ZNF92: variants seen among roughly 807,000 people sequenced by gnomAD.
The protein encoded by ZNF92 is epididymis luminal protein 203.
In ZNF92, 11 loss-of-function variants were observed where a neutral mutation model predicts 12.4. That is an observed-to-expected ratio of 0.89 (90% confidence interval 0.56 to 1.47). The LOEUF is 1.47. Among genes scored for constraint, ZNF92 ranks in the 40% most tolerant of loss-of-function variants. The pLI, the probability that ZNF92 is intolerant of heterozygous loss-of-function variation, is 0.00. For missense variants in ZNF92, 622 were observed against 681.0 expected (o/e 0.91, Z 0.96); for synonymous variants, 206 against 228.6 (o/e 0.90, Z 0.89).
At chr7:65,375,634 G>A (rs1793217262) in intron 1 of ZNF92, among the ~76,000 whole-genome samples, 1 of 151,794 alleles carries the variant, frequency 6.6e-6, no homozygotes, top group Admixed American at 6.6e-5. Context: ...AACAAAACCT[G>A]ACCTGGAGAT....
In ZNF92 at chr7:65,398,646, C is replaced by T. The variant is rs140983572; in HGVS notation, c.532C>T (p.Arg178Cys). 1.8e-5 allele frequency: 29 copies of T among 1,611,614 alleles called. No individual in the cohort carries two copies. Among genetic ancestry groups the T allele is most frequent in the Admixed American group, 8.4e-5 (5 of 59,602 alleles). The stretch of plus-strand genomic sequence containing the variant: ...AAAGAAACCTTTCAAATGTAAAAAC[C>T]GTGGCAAATCATTTTGCATGCTTTC... ...TGKKPFKCKN[R>C]GKSFCMLSQL... The change falls in exon 4 of 4, where the codon CGT becomes TGT. Residue 178 changes from arginine (R) to cysteine (C), a missense_variant. By Grantham distance (180) the Arg-to-Cys change is radical. Transcript: ENST00000328747.
intron 1 of ZNF92, among the ~76,000 whole-genome samples, chr7:65,383,017 A>G (rs147953213): frequency 1.6e-4 from 25 of 152,214 alleles, no homozygotes; most frequent in African/African-American, 6.0e-4. Flanking sequence ...CCCACACCCT[A>G]TACAGCTTAG....
intron 1 of ZNF92, among the ~76,000 whole-genome samples, chr7:65,379,030 G>A (rs890090937): frequency 1.3e-5 from 2 of 151,350 alleles, no homozygotes; most frequent in African/African-American, 4.9e-5. Flanking sequence ...GACTTTTCCC[G>A]GGTTGTATCA....
At chr7:65,389,977 G>A (rs1277720794) in intron 3 of ZNF92, among the ~76,000 whole-genome samples, 2 of 151,802 alleles carry the variant, frequency 1.3e-5, no homozygotes. Flanking sequence ...GACTACAGGT[G>A]CGAACCACCA....
intron 1 of ZNF92, among the ~76,000 whole-genome samples, chr7:65,377,810 C>T (rs543836882): frequency 2.0e-5 from 3 of 152,072 alleles, no homozygotes; most frequent in South Asian, 2.1e-4. Flanking sequence ...CATGATCCAC[C>T]CACCTCGGCC....
At chr7:65,397,440 T>A (rs1793871787) in intron 3 of ZNF92, among the ~76,000 whole-genome samples, 1 of 152,066 alleles carries the variant, frequency 6.6e-6, no homozygotes, top group African/African-American at 2.4e-5. Flanking sequence ...TCGTCTGTGT[T>A]TCTGTTTCAC....
rs1027283113 is a variant in ZNF92 at position 65,387,904 on chromosome 7, A to G, written c.6A>G (p.Gly2=). M[G]PLTFRDVKIE... ...GTGTGTGTGTGTGTGTTTTTCAGGG[A>G]CCACTGACATTTAGGGATGTGAAAA... The change falls in exon 2 of 4, where the codon GGA becomes GGG. Residue 2 remains glycine, a splice_region_variant and synonymous_variant. Transcript: ENST00000328747. The G allele has an allele frequency of 1.2e-6, 2 of 1,601,342 alleles. No homozygotes were observed. Among genetic ancestry groups the G allele is most frequent in the Admixed American group, 3.5e-5 (2 of 57,764 alleles).
intron 3 of ZNF92, among the ~76,000 whole-genome samples, chr7:65,389,202 G>T (rs1584284078): frequency 6.6e-6 from 1 of 151,902 alleles, no homozygotes; most frequent in Non-Finnish European, 1.5e-5. Context: ...CAGGTGATCC[G>T]CCCGCCTCAG....
intron 1 of ZNF92, 23 bp from the exon 2 acceptor site, chr7:65,387,877 TTG>T (rs143107154): frequency 0.02 from 25,880 of 1,286,614 alleles, no homozygotes; most frequent in South Asian, 0.044. Flanking sequence ...ATATGTGTGT[TTG>T]TGTGTGTGTG....
intron 1 of ZNF92, among the ~76,000 whole-genome samples, chr7:65,374,950 C>T (rs2116325227): frequency 6.6e-6 from 1 of 152,190 alleles, no homozygotes; most frequent in East Asian, 1.9e-4. Context: ...TGCCAACTTA[C>T]CCTCCCTAAT....
At chr7:65,397,795 G>A (rs1250282667) in intron 3 of ZNF92, among the ~76,000 whole-genome samples, 1 of 151,068 alleles carries the variant, frequency 6.6e-6, no homozygotes, top group Admixed American at 6.6e-5. Flanking sequence ...TGCTACACGT[G>A]TTCGCTGTCT....
intron 2 of ZNF92, 174 bp downstream of exon 2, chr7:65,388,202 C>T (rs1017292390): frequency 1.8e-5 from 10 of 546,066 alleles, no homozygotes; most frequent in Non-Finnish European, 3.0e-5. Context: ...TTCATTTTGA[C>T]CTGAACTCTC....
intron 1 of ZNF92, among the ~76,000 whole-genome samples, chr7:65,377,149 C>T (rs1350331189): frequency 6.6e-6 from 1 of 152,008 alleles, no homozygotes; most frequent in Non-Finnish European, 1.5e-5. Context: ...AATTTCCTTC[C>T]CTCGTATTTA....
At chr7:65,380,575 A>G (rs1356977747) in intron 1 of ZNF92, among the ~76,000 whole-genome samples, 2 of 151,994 alleles carry the variant, frequency 1.3e-5, no homozygotes, top group South Asian at 2.1e-4. Flanking sequence ...CTCAACCACA[A>G]TGTATTTTCT....
intron 3 of ZNF92, among the ~76,000 whole-genome samples, chr7:65,396,374 A>G (rs1437872837): frequency 6.6e-6 from 1 of 152,016 alleles, no homozygotes; most frequent in Admixed American, 6.6e-5. Flanking sequence ...CATAGTTTCT[A>G]TAAATATTAT....
chr7:65,376,537 C>A (rs1584271939), intron 1 of ZNF92, among the ~76,000 whole-genome samples: 1 of 151,960 alleles, frequency 6.6e-6, no homozygotes, highest in Non-Finnish European at 1.5e-5. Flanking sequence ...ACCTCTGCCT[C>A]CCAGGTTCAA....
rs567597169 is a variant in ZNF92, at chr7:65,401,007, GAAAA to G, written c.*1136_*1139del. ...CTAACATTCTTTTGCAGTATAGTGA[GAAAA>G]AAACATTTTAAAATTAATTATCATT... On this transcript the variant is annotated 3_prime_UTR_variant, in exon 4 of 4. Coordinates refer to ENST00000328747, the MANE Select transcript of ZNF92 (RefSeq NM_152626.4). 6.6e-6 allele frequency: 1 copy of G among 151,838 alleles called. No homozygotes were observed. The highest frequency in any genetic ancestry group is 1.9e-4 in the East Asian group (1 of 5,186). 9.4% of individuals were successfully genotyped at this position (151,838 alleles called of 1,614,324 possible).
At chr7:65,390,777 CAG>C (rs1465533779) in intron 3 of ZNF92, among the ~76,000 whole-genome samples, 2 of 151,912 alleles carry the variant, frequency 1.3e-5, no homozygotes, top group African/African-American at 4.8e-5. Flanking sequence ...AACTGTGGCT[CAG>C]AGAGTTGGAA....
In ZNF92 at chr7:65,400,000, TA is replaced by T; in HGVS notation, c.*127del. The T allele has an allele frequency of 7.1e-6, 6 of 845,768 alleles. No individual in the cohort carries two copies. Among genetic ancestry groups the T allele is most frequent in the Non-Finnish European group, 8.6e-6 (5 of 582,278 alleles). 52.4% of individuals were successfully genotyped at this position (845,768 alleles called of 1,614,324 possible). A position where few individuals can be genotyped will look rare whatever the true frequency, so the allele number is the denominator to read the frequency against. Reference sequence around the variant, plus strand: ...TTGTCACGCTTGATTGTAGGTAAGATAATTTATATTGGAGAAAAATCCTCCA... The same window carrying T: ...TTGTCACGCTTGATTGTAGGTAAGATATTTATATTGGAGAAAAATCCTCCA... On this transcript the variant is annotated 3_prime_UTR_variant, in exon 4 of 4. Coordinates refer to ENST00000328747, the MANE Select transcript of ZNF92 (RefSeq NM_152626.4).
Sources: allele counts gnomAD v4.1 joint callset (sites outside exome capture counted in the v4.1 genomes callset), GRCh38; gene constraint gnomAD v4.1.1; transcripts MANE v1.5; gene names NCBI Gene and HGNC (gene_info 2026-07-23, HGNC 2026-07-21).